CSGALNACT1: variants seen among roughly 807,000 people sequenced by gnomAD.
CSGALNACT1 encodes beta4GalNAcT-1.
CSGALNACT1 carries 52 observed loss-of-function variants against 51.0 expected under a neutral mutation model. The ratio of observed to expected loss-of-function variants is 1.02; its 90% CI spans 0.82 to 1.29. The LOEUF (loss-of-function observed/expected upper bound fraction) is 1.29. Ranked by LOEUF, CSGALNACT1 falls within the 50% of genes most tolerant of loss-of-function variation. CSGALNACT1 has a pLI of 0.00. For synonymous variants in CSGALNACT1, 341 were observed against 254.4 expected (o/e 1.34, Z -3.24); for missense variants, 935 against 679.2 (o/e 1.38, Z -4.19).
Position 19,676,086 on chromosome 8 carries a change from A to T in CSGALNACT1, c.-544+6387T>A, listed in dbSNP as rs1393857811. Among the ~76,000 whole-genome samples the T allele has an allele frequency of 8.8e-4, 123 of 139,784 alleles. 1 individual carries two copies. The highest frequency in any genetic ancestry group is 2.7e-3 in the African/African-American group (100 of 37,212). 91.7% of individuals were successfully genotyped at this position (139,784 alleles called of 152,430 possible). A position where few individuals can be genotyped will look rare whatever the true frequency, so the allele number is the denominator to read the frequency against. On this transcript the variant is annotated intron_variant, in intron 1 of 9. Transcript: ENST00000332246. The stretch of plus-strand genomic sequence containing the variant: ...CGATGGATGGTGGTTGTCTGATTTA[A>T]AAAACAAAACAAAACAAAAAAAACT...
intron 4 of CSGALNACT1, among the ~76,000 whole-genome samples, chr8:19,471,342 T>G (rs2068120892): frequency 6.6e-6 from 1 of 152,132 alleles, no homozygotes; most frequent in South Asian, 2.1e-4. Context: ...AGGATCAAGT[T>G]TAAAGGTCTC....
intron 5 of CSGALNACT1, among the ~76,000 whole-genome samples, chr8:19,450,284 GA>G: frequency 6.9e-6 from 1 of 145,306 alleles, no homozygotes; most frequent in African/African-American, 2.6e-5. Flanking sequence ...GGAGGAGAGG[GA>G]GGAGGAGAAG....
chr8:19,733,783 T>A (rs1028977552), intron 1 of CSGALNACT1, among the ~76,000 whole-genome samples: 3 of 152,070 alleles, frequency 2.0e-5, no homozygotes, highest in Admixed American at 2.0e-4. Flanking sequence ...CTCATATGAG[T>A]TTTATTTGTT....
intron 1 of CSGALNACT1, among the ~76,000 whole-genome samples, chr8:19,647,919 G>C (rs2057425329): frequency 2.0e-5 from 3 of 152,182 alleles, no homozygotes; most frequent in African/African-American, 7.2e-5. Flanking sequence ...GGCACTCTGT[G>C]TTGTGCCAAT....
chr8:19,501,541 C>A (rs991866338), intron 4 of CSGALNACT1, among the ~76,000 whole-genome samples: 1 of 152,196 alleles, frequency 6.6e-6, no homozygotes, highest in Non-Finnish European at 1.5e-5. Flanking sequence ...CACCACACTA[C>A]TAACCCTGCA....
At chr8:19,753,874 A>G (rs1173009317) in intron 1 of CSGALNACT1, among the ~76,000 whole-genome samples, 1 of 152,232 alleles carries the variant, frequency 6.6e-6, no homozygotes, top group Non-Finnish European at 1.5e-5. Flanking sequence ...AAATAAAAAC[A>G]CCTTGGAGTT....
intron 4 of CSGALNACT1, among the ~76,000 whole-genome samples, chr8:19,463,155 TC>T (rs61345831): frequency 0.47 from 71,940 of 151,930 alleles, 18,392 homozygotes; most frequent in East Asian, 0.81. Flanking sequence ...ATGATTTCAT[TC>T]TTTTTTTCAT....
intron 4 of CSGALNACT1, among the ~76,000 whole-genome samples, chr8:19,495,578 G>A (rs1177265139): frequency 6.6e-6 from 1 of 152,196 alleles, no homozygotes; most frequent in Non-Finnish European, 1.5e-5. Context: ...GGCTGGAGAG[G>A]AGGGAGCTCT....
At chr8:19,653,749 G>C (rs913797028) in intron 1 of CSGALNACT1, among the ~76,000 whole-genome samples, 4 of 151,436 alleles carry the variant, frequency 2.6e-5, no homozygotes, top group African/African-American at 9.7e-5. Flanking sequence ...GGTGAACCGT[G>C]ATTTTGCCAC....
At chr8:19,669,795 G>A (rs2059650040) in intron 1 of CSGALNACT1, among the ~76,000 whole-genome samples, 1 of 152,156 alleles carries the variant, frequency 6.6e-6, no homozygotes, top group Non-Finnish European at 1.5e-5. Flanking sequence ...TCTTTCAGAA[G>A]CCATTTCTAA....
At chr8:19,547,893 G>A (rs1215201472) in intron 3 of CSGALNACT1, among the ~76,000 whole-genome samples, 2 of 152,174 alleles carry the variant, frequency 1.3e-5, no homozygotes, top group East Asian at 3.8e-4. Flanking sequence ...AGACCCTGAG[G>A]GATTTGGGTG....
intron 1 of CSGALNACT1, among the ~76,000 whole-genome samples, chr8:19,751,194 A>T (rs1034023302): frequency 6.6e-6 from 1 of 152,186 alleles, no homozygotes; most frequent in African/African-American, 2.4e-5. Flanking sequence ...TCCTGGAGCC[A>T]GGCAGACGTG....
At chr8:19,437,469 C>T (rs2060564059) in intron 6 of CSGALNACT1, among the ~76,000 whole-genome samples, 1 of 152,092 alleles carries the variant, frequency 6.6e-6, no homozygotes, top group South Asian at 2.1e-4. Flanking sequence ...TCAACTCAGG[C>T]TGGCTGCAGA....
intron 1 of CSGALNACT1, among the ~76,000 whole-genome samples, chr8:19,726,713 A>G (rs1189676532): frequency 6.6e-6 from 1 of 152,206 alleles, no homozygotes; most frequent in Non-Finnish European, 1.5e-5. Context: ...ACTGACTATG[A>G]AAAAAATATA....
intron 2 of CSGALNACT1, among the ~76,000 whole-genome samples, chr8:19,597,103 A>T (rs1024724530): frequency 6.6e-6 from 1 of 152,124 alleles, no homozygotes; most frequent in South Asian, 2.1e-4. Flanking sequence ...TATTTGTCAT[A>T]CTGCGACTGG....
intron 1 of CSGALNACT1, among the ~76,000 whole-genome samples, chr8:19,672,226 T>C (rs2059849269): frequency 6.6e-6 from 1 of 152,186 alleles, no homozygotes; most frequent in Non-Finnish European, 1.5e-5. Flanking sequence ...TTCCCATCTC[T>C]CCATCAGCTT....
chr8:19,472,548 G>A (rs889974052), intron 4 of CSGALNACT1, among the ~76,000 whole-genome samples: 1 of 152,186 alleles, frequency 6.6e-6, no homozygotes, highest in Non-Finnish European at 1.5e-5. Context: ...AAAAGTTAAA[G>A]TAACCAATTC....
At chr8:19,731,870 T>C (rs547780526) in intron 1 of CSGALNACT1, among the ~76,000 whole-genome samples, 2 of 152,350 alleles carry the variant, frequency 1.3e-5, no homozygotes, top group African/African-American at 2.4e-5. Context: ...GTTAATAATT[T>C]AGAACATAAA....
At chr8:19,706,842 G>A (rs1396682752) in intron 1 of CSGALNACT1, among the ~76,000 whole-genome samples, 3 of 152,080 alleles carry the variant, frequency 2.0e-5, no homozygotes, top group African/African-American at 7.2e-5. Flanking sequence ...GCCCAGGCTG[G>A]TTTTGAACTC....
Sources: gnomAD v4.1 joint callset for allele counts (sites outside exome capture counted in the v4.1 genomes callset) on GRCh38, gnomAD v4.1.1 for gene constraint, MANE v1.5 for transcripts, NCBI Gene and HGNC (gene_info 2026-07-23, HGNC 2026-07-21) for gene names.